IGSF3: variants seen among roughly 807,000 people sequenced by gnomAD.
IGSF3 encodes immunoglobulin superfamily member 3, also known as glu-Trp-Ile EWI motif-containing protein 3.
Under a neutral mutation model 114.4 loss-of-function variants are expected in IGSF3, and 23 were observed. The ratio of observed to expected loss-of-function variants is 0.20; its 90% CI spans 0.14 to 0.28. The LOEUF (loss-of-function observed/expected upper bound fraction) is 0.28, where lower values mean the gene tolerates loss of function less well. Among genes scored for constraint, IGSF3 ranks in the 10% least tolerant of loss-of-function variants. IGSF3 has a pLI of 1.00. For missense variants in IGSF3, 1,172 were observed against 1,591.5 expected, an observed-to-expected ratio of 0.74 and a Z score of 4.48; for synonymous variants, 571 against 645.2, an observed-to-expected ratio of 0.88 and a Z score of 1.74.
rs1481244365 is a variant in IGSF3 at position 116,667,623 on chromosome 1, C to A, written c.-636G>T. On this transcript the variant is annotated 5_prime_UTR_variant, in exon 1 of 11. Coordinates refer to ENST00000369486, the MANE Select transcript of IGSF3 (RefSeq NM_001007237.3). ...GCGCCCCCGCCGAGCCTGACCTCGC[C>A]CCTGGCCCTCTCCCTCCGCGCGCGT... is the stretch of plus-strand genomic sequence containing the variant. The A allele has an allele frequency of 1.1e-4, 16 of 151,620 alleles. No individual in the cohort carries two copies. Among genetic ancestry groups the A allele is most frequent in the South Asian group, 3.9e-4 (2 of 5,128 alleles). The allele number at this position is 151,620 out of a possible 1,614,324, so 9.4% of individuals were successfully genotyped here.
intron 2 of IGSF3, among the ~76,000 whole-genome samples, chr1:116,619,682 T>G (rs3965236): frequency 6.6e-6 from 1 of 151,744 alleles, no homozygotes; most frequent in Non-Finnish European, 1.5e-5. Context: ...AGACACAGGC[T>G]CCCAAACCTG....
chr1:116,608,413 T>C (rs1307335973), intron 4 of IGSF3, 82 bp from the exon 5 acceptor site: 17 of 940,416 alleles, frequency 1.8e-5, no homozygotes, highest in Non-Finnish European at 2.7e-5. Flanking sequence ...ACATTCCCAC[T>C]ATCCTTCCTC....
chr1:116,616,455 C>T lies in IGSF3; in HGVS notation c.46G>A (p.Val16Met). Residue 16 changes from valine (V) to methionine (M), a missense_variant and splice_region_variant, in exon 3 of 11, where the codon GTG (valine) becomes ATG (methionine). By Grantham distance (21) the Val-to-Met change is conservative. Around this residue, in one of 3 missense-constraint regions of IGSF3, gnomAD observed 736 missense variants for 1,042.0 expected, o/e 0.71. Transcript: ENST00000369486. This position sits in a 1 kb window ranked among gnomAD's most constrained non-coding sequence, Gnocchi z 6.6. ...PVLSCLAVLG[V>M]VSAQRQVTVQ... ...GTGACCTGCCGCTGTGCTGACACCA[C>T]ACCTACGAGGGAGAGAAACACACAC... 1.9e-6 allele frequency: 3 copies of T among 1,588,636 alleles called. No homozygotes were observed. The highest frequency in any genetic ancestry group is 1.7e-6 in the Non-Finnish European group (2 of 1,162,706).
chr1:116,580,864 G>C (rs957809346), intron 9 of IGSF3, among the ~76,000 whole-genome samples: 9 of 152,226 alleles, frequency 5.9e-5, no homozygotes, highest in Admixed American at 3.9e-4. Flanking sequence ...GAATGTCTGT[G>C]GCCACAAGGA....
chr1:116,638,560 C>T lies in IGSF3; in HGVS notation c.44-22103G>A, dbSNP rs919817561. On this transcript the variant is annotated intron_variant, in intron 2 of 10. Transcript: ENST00000369486. The surrounding 1 kb of genome is among the most constrained non-coding windows in gnomAD (Gnocchi z 4.1). ...ACACCCACCACTCCCTCCAAACATC[C>T]CCGGTACGTCTTACTGGATTTTGCC... 6.6e-6 allele frequency among the ~76,000 whole-genome samples: 1 copy of T among 152,212 alleles called. No individual in the cohort carries two copies. Among genetic ancestry groups the T allele is most frequent in the African/African-American group, 2.4e-5 (1 of 41,462 alleles).
rs1460084898 is a variant in IGSF3 at position 116,589,429 on chromosome 1, C to G, written c.2030-325G>C. On this transcript the variant is annotated intron_variant, in intron 7 of 10. Transcript: ENST00000369486. The surrounding 1 kb of genome is among the most constrained non-coding windows in gnomAD (Gnocchi z 5.7). ...GGTCTCTGCTTGAAAAGTTTAATGG[C>G]TCTGAACTACCTACGGGCCAGAGAG... 1.3e-5 allele frequency among the ~76,000 whole-genome samples: 2 copies of G among 152,096 alleles called. No homozygotes were observed. Among genetic ancestry groups the G allele is most frequent in the Non-Finnish European group, 2.9e-5 (2 of 68,030 alleles).
Position 116,666,754 on chromosome 1 carries a change from GAGAAC to G in IGSF3, c.-433_-429del, listed in dbSNP as rs1157698620. 1 of 450,986 alleles carries G rather than the reference GAGAAC, an allele frequency of 2.2e-6. No individual in the cohort carries two copies. Among genetic ancestry groups the G allele is most frequent in the African/African-American group, 2.0e-5 (1 of 49,506 alleles). 27.9% of individuals were successfully genotyped at this position (450,986 alleles called of 1,614,324 possible). A position where few individuals can be genotyped will look rare whatever the true frequency, so the allele number is the denominator to read the frequency against. ...ATCTCCCTCATTCGGATTCCCCAGA[GAGAAC>G]AGGGCAGGTTTCGTCAAAACCTTTG... is the stretch of plus-strand genomic sequence containing the variant. On this transcript the variant is annotated 5_prime_UTR_variant, in exon 2 of 11. An upstream open reading frame in the 5' UTR loses its in-frame stop. Transcript: ENST00000369486.
chr1:116,588,724 C>T lies in IGSF3; in HGVS notation c.2410G>A (p.Gly804Arg), dbSNP rs1449634915. ...TGTTTCACAGTGACTTCTGTGCGCCCAGAAACCTCCTCTGCCAGCTTGTAC... is the reference window on the plus strand; with the variant it reads ...TGTTTCACAGTGACTTCTGTGCGCCTAGAAACCTCCTCTGCCAGCTTGTAC... ...AWYKLAEEVS[G>R]RTEVTVKQPD... The change falls in exon 8 of 11, where the codon GGG becomes AGG. Residue 804 changes from glycine to arginine, a missense_variant. Around this residue, in one of 3 missense-constraint regions of IGSF3, gnomAD observed 13 missense variants for 39.7 expected, o/e 0.33. Coordinates refer to ENST00000369486, the MANE Select transcript of IGSF3 (RefSeq NM_001007237.3). This position sits in a 1 kb window ranked among gnomAD's most constrained non-coding sequence, Gnocchi z 4.9. 1.2e-6 allele frequency: 2 copies of T among 1,611,026 alleles called. No individual in the cohort carries two copies. The highest frequency in any genetic ancestry group is 1.7e-5 in the Admixed American group (1 of 59,868).
chr1:116,639,809 G>A lies in IGSF3; in HGVS notation c.44-23352C>T, dbSNP rs147286141. Reference sequence around the variant, plus strand: ...CTTTCTTTGGGAGGCCAAGTTGGGCGAATCACTTGAGGTCAGGAGTTCAAG... The same window carrying A: ...CTTTCTTTGGGAGGCCAAGTTGGGCAAATCACTTGAGGTCAGGAGTTCAAG... On this transcript the variant is annotated intron_variant, in intron 2 of 10. Coordinates refer to ENST00000369486, the MANE Select transcript of IGSF3 (RefSeq NM_001007237.3). Among the ~76,000 whole-genome samples the A allele has an allele frequency of 8.1e-4, 123 of 152,182 alleles. 1 individual carries two copies. In the East Asian group the frequency reaches 0.021, roughly 26 times the overall value.
chr1:116,607,928 ATC>A lies in IGSF3; in HGVS notation c.1222+12_1222+13del, dbSNP rs1557868547. 6.2e-7 allele frequency: 1 copy of A among 1,611,042 alleles called. No homozygotes were observed. The highest frequency in any genetic ancestry group is 8.5e-7 in the Non-Finnish European group (1 of 1,177,576). On this transcript the variant is annotated intron_variant, in intron 5 of 10. Coordinates refer to ENST00000369486, the MANE Select transcript of IGSF3 (RefSeq NM_001007237.3). This position sits in a 1 kb window ranked among gnomAD's most constrained non-coding sequence, Gnocchi z 6.1. ...GAGCCAAAGGAGAAGAAAGCAGCAC[ATC>A]TCTCTACTTACTGAGGGGGAGGACT...
intron 2 of IGSF3, among the ~76,000 whole-genome samples, chr1:116,663,717 T>C (rs557944557): frequency 6.6e-6 from 1 of 152,214 alleles, no homozygotes; most frequent in Non-Finnish European, 1.5e-5. Flanking sequence ...TCTGTCATGT[T>C]GAGGGAGATG....
At chr1:116,580,818 G>A (rs1201480786) in intron 9 of IGSF3, among the ~76,000 whole-genome samples, 2 of 152,222 alleles carry the variant, frequency 1.3e-5, no homozygotes, top group South Asian at 4.1e-4. Context: ...ATATGATGAT[G>A]GAGGCCCAAA....
chr1:116,611,359 G>T (rs903770009), intron 4 of IGSF3, among the ~76,000 whole-genome samples: 11 of 152,174 alleles, frequency 7.2e-5, no homozygotes, highest in African/African-American at 2.7e-4. Context: ...CCAGGCCCTC[G>T]CATGCCTTCT....
intron 2 of IGSF3, among the ~76,000 whole-genome samples, chr1:116,626,381 T>C (rs1647282654): frequency 6.6e-6 from 1 of 152,210 alleles, no homozygotes; most frequent in Admixed American, 6.5e-5. Flanking sequence ...CTCCTCAAAG[T>C]TTTTGAGATC....
At chr1:116,581,960 G>C (rs1216503571) in intron 9 of IGSF3, among the ~76,000 whole-genome samples, 1 of 152,166 alleles carries the variant, frequency 6.6e-6, no homozygotes, top group African/African-American at 2.4e-5. Context: ...GGCCCTGGGC[G>C]ATGTGCAGTG....
intron 9 of IGSF3, among the ~76,000 whole-genome samples, chr1:116,580,092 C>T (rs535807927): frequency 6.6e-6 from 1 of 152,250 alleles, no homozygotes; most frequent in East Asian, 1.9e-4. Flanking sequence ...TCATTGTATG[C>T]AGAAAACATA....
At position 116,627,203 on chromosome 1, in the gene IGSF3, C is replaced by T. The variant is rs1468366005; in HGVS notation, c.44-10746G>A. Among the ~76,000 whole-genome samples the T allele has an allele frequency of 6.6e-6, 1 of 152,100 alleles. No homozygotes were observed. Reference sequence around the variant, plus strand: ...TGAGAAGTCCAGAGGCTCAGTGAACCGCAGCTTAGAGTGAGTTCCAGTAAA... The same window carrying T: ...TGAGAAGTCCAGAGGCTCAGTGAACTGCAGCTTAGAGTGAGTTCCAGTAAA... On this transcript the variant is annotated intron_variant, in intron 2 of 10. Transcript: ENST00000369486. The surrounding 1 kb of genome is among the most constrained non-coding windows in gnomAD (Gnocchi z 4.7).
In IGSF3 at chr1:116,574,784, T is replaced by A. The variant is rs1478094000; in HGVS notation, c.*2528A>T. On this transcript the variant is annotated 3_prime_UTR_variant, in exon 11 of 11. Coordinates refer to ENST00000369486, the MANE Select transcript of IGSF3 (RefSeq NM_001007237.3). The surrounding 1 kb of genome is among the most constrained non-coding windows in gnomAD (Gnocchi z 5.2). ...CTCCAGTAGACAATGCGCAATGAGG[T>A]CTCACAGCCACTGGAGGGCACCATT... is the stretch of plus-strand genomic sequence containing the variant. 6.6e-6 allele frequency: 1 copy of A among 152,532 alleles called. No individual in the cohort carries two copies. Among genetic ancestry groups the A allele is most frequent in the Non-Finnish European group, 1.5e-5 (1 of 68,026 alleles). 9.4% of individuals were successfully genotyped at this position (152,532 alleles called of 1,614,324 possible).
chr1:116,661,127 C>T lies in IGSF3; in HGVS notation c.43+5157G>A, dbSNP rs974594725. Among the ~76,000 whole-genome samples the T allele has an allele frequency of 1.3e-5, 2 of 152,056 alleles. No homozygotes were observed. Among genetic ancestry groups the T allele is most frequent in the Admixed American group, 6.6e-5 (1 of 15,252 alleles). On this transcript the variant is annotated intron_variant, in intron 2 of 10. Coordinates refer to ENST00000369486, the MANE Select transcript of IGSF3 (RefSeq NM_001007237.3). The surrounding 1 kb of genome is among the most constrained non-coding windows in gnomAD (Gnocchi z 4.0). ...CCAACATAGTGAAGGCCCATCTCTACTAAAAATACAAAAAAATTAGCCGGG... is the reference window on the plus strand; with the variant it reads ...CCAACATAGTGAAGGCCCATCTCTATTAAAAATACAAAAAAATTAGCCGGG...
Sources: gnomAD v4.1 joint callset for allele counts (sites outside exome capture counted in the v4.1 genomes callset) on GRCh38, gnomAD v4.1.1 for gene constraint, gnomAD v4.1.1 regional missense constraint, Gnocchi (gnomAD v3.1) non-coding constraint, MANE v1.5 for transcripts, NCBI Gene and HGNC (gene_info 2026-07-23, HGNC 2026-07-21) for gene names.